Variants in IL1RAPL1 observed in about 807,000 individuals in gnomAD.
IL1RAPL1 encodes interleukin-1 receptor accessory protein-like 1.
A neutral mutation model predicts 48.4 loss-of-function variants in IL1RAPL1; 3 were observed. The observed-to-expected ratio is 0.06, with a 90% confidence interval of 0.03 to 0.16. The LOEUF (loss-of-function observed/expected upper bound fraction) is 0.16. IL1RAPL1 is among the 10% of genes least tolerant of loss of function. The pLI is 1.00. For missense variants in IL1RAPL1, 349 were observed against 530.6 expected, an observed-to-expected ratio of 0.66 and a Z score of 3.36; for synonymous variants, 185 against 187.7, an observed-to-expected ratio of 0.99 and a Z score of 0.12.
chrX:29,197,305 AC>A (rs1362725768), intron 2 of IL1RAPL1, among the ~76,000 whole-genome samples: 4 of 111,862 alleles, frequency 3.6e-5, no homozygotes, highest in Non-Finnish European at 7.5e-5. Context: ...TTAGAAAAAA[AC>A]AATCCATGAT....
chrX:29,450,875 A>G (rs1351750273), intron 5 of IL1RAPL1, among the ~76,000 whole-genome samples: 1 of 111,345 alleles, frequency 9.0e-6, no homozygotes, highest in Non-Finnish European at 1.9e-5. Context: ...ATAAACTTGG[A>G]AAATAATTGC....
chrX:29,296,429 T>G (rs1426236836), intron 3 of IL1RAPL1, among the ~76,000 whole-genome samples: 1 of 111,485 alleles, frequency 9.0e-6, no homozygotes, highest in Non-Finnish European at 1.9e-5. Flanking sequence ...TCACACATAC[T>G]GAGATGACTC....
chrX:28,633,530 T>C (rs1368153651), intron 1 of IL1RAPL1, among the ~76,000 whole-genome samples: 5 of 112,317 alleles, frequency 4.5e-5, no homozygotes. Context: ...CAAGTTATAT[T>C]TGATGATATT....
At chrX:28,728,580 T>C (rs1276058350) in intron 1 of IL1RAPL1, among the ~76,000 whole-genome samples, 1 of 111,761 alleles carries the variant, frequency 8.9e-6, no homozygotes, top group Non-Finnish European at 1.9e-5. Flanking sequence ...TTCTTTATTC[T>C]AAAAAATTAA....
intron 2 of IL1RAPL1, among the ~76,000 whole-genome samples, chrX:29,225,878 A>C (rs940385281): frequency 9.0e-6 from 1 of 111,701 alleles, no homozygotes; most frequent in Non-Finnish European, 1.9e-5. Context: ...AGGAATTTAC[A>C]ATTGCAAATT....
chrX:29,491,302 G>A (rs1935157134), intron 5 of IL1RAPL1, among the ~76,000 whole-genome samples: 1 of 112,235 alleles, frequency 8.9e-6, no homozygotes, highest in Non-Finnish European at 1.9e-5. Context: ...TTGTGATAAA[G>A]CTATCTTGAT....
At chrX:28,651,250 G>T (rs1220904067) in intron 1 of IL1RAPL1, among the ~76,000 whole-genome samples, 4 of 111,888 alleles carry the variant, frequency 3.6e-5, no homozygotes, top group Non-Finnish European at 7.5e-5. Flanking sequence ...TTCAGATAAG[G>T]GATACTCAAC....
chrX:28,840,101 A>G (rs653281), intron 2 of IL1RAPL1, among the ~76,000 whole-genome samples: 1 of 110,471 alleles, frequency 9.1e-6, no homozygotes, highest in Non-Finnish European at 1.9e-5. Flanking sequence ...ACTCATGGGA[A>G]TAGAATTCTA....
chrX:29,550,384 C>T lies in IL1RAPL1; in HGVS notation c.704-118046C>T, dbSNP rs181991073. Among the ~76,000 whole-genome samples the T allele has an allele frequency of 7.2e-5, 8 of 110,563 alleles. No homozygotes were observed. In the East Asian group the frequency reaches 1.4e-3, roughly 20 times the overall value. On this transcript the variant is annotated intron_variant, in intron 5 of 10. Transcript: ENST00000378993. Reference sequence around the variant, plus strand: ...TTCTTTTTTGTATTTTTAGTAGAGACGGGGTTTCACCGTGGTCTTGATCTG... The same window carrying T: ...TTCTTTTTTGTATTTTTAGTAGAGATGGGGTTTCACCGTGGTCTTGATCTG...
rs139554656 is a variant in IL1RAPL1 at position 29,012,281 on chromosome X, G to A, written c.82+222856G>A. 4.1e-3 allele frequency among the ~76,000 whole-genome samples: 456 copies of A among 112,439 alleles called. 4 individuals are homozygous for A. The highest frequency in any genetic ancestry group is 0.013 in the Admixed American group (138 of 10,640). On this transcript the variant is annotated intron_variant, in intron 2 of 10. Coordinates refer to ENST00000378993, the MANE Select transcript of IL1RAPL1 (RefSeq NM_014271.4). The stretch of plus-strand genomic sequence containing the variant: ...GCCCTGGCGGGGTGAGGTGGCTCAC[G>A]CCTGTAATCCCAGCACTTTGGGAGG...
At chrX:28,654,789 G>C (rs7056977) in intron 1 of IL1RAPL1, among the ~76,000 whole-genome samples, 11,962 of 111,785 alleles carry the variant, frequency 0.11, 696 homozygotes, top group African/African-American at 0.23. Flanking sequence ...TGTAATTAAA[G>C]ATGAAGCAAC....
At chrX:29,514,387 G>A (rs954366746) in intron 5 of IL1RAPL1, among the ~76,000 whole-genome samples, 1 of 112,556 alleles carries the variant, frequency 8.9e-6, no homozygotes, top group Admixed American at 9.4e-5. Flanking sequence ...ATGATGTGCT[G>A]AGTTTTCATT....
intron 2 of IL1RAPL1, among the ~76,000 whole-genome samples, chrX:29,184,846 C>T (rs1278275707): frequency 8.9e-6 from 1 of 111,975 alleles, no homozygotes; most frequent in African/African-American, 3.2e-5. Flanking sequence ...TCTTTTTTCC[C>T]CGGATTTCTT....
chrX:29,286,742 A>G (rs1470315823), intron 3 of IL1RAPL1, among the ~76,000 whole-genome samples: 1 of 111,673 alleles, frequency 9.0e-6, no homozygotes, highest in African/African-American at 3.3e-5. Context: ...TTGACCTCCA[A>G]CTTTTTAATT....
At chrX:28,620,472 T>C (rs1483526124) in intron 1 of IL1RAPL1, among the ~76,000 whole-genome samples, 2 of 111,222 alleles carry the variant, frequency 1.8e-5, no homozygotes, top group Admixed American at 1.9e-4. Context: ...CATGTCAGGG[T>C]AATCTCTTTC....
intron 6 of IL1RAPL1, among the ~76,000 whole-genome samples, chrX:29,791,340 A>G (rs1180847543): frequency 1.8e-5 from 2 of 111,380 alleles, no homozygotes; most frequent in Admixed American, 9.5e-5. Flanking sequence ...ATGATAGTAT[A>G]TTAATATGTC....
intron 6 of IL1RAPL1, among the ~76,000 whole-genome samples, chrX:29,847,182 C>T (rs1272532734): frequency 8.9e-6 from 1 of 111,785 alleles, no homozygotes; most frequent in Non-Finnish European, 1.9e-5. Context: ...AATAAGACCA[C>T]GAGCAGAGGA....
intron 2 of IL1RAPL1, among the ~76,000 whole-genome samples, chrX:28,897,596 G>A (rs761452672): frequency 3.6e-5 from 4 of 112,103 alleles, no homozygotes; most frequent in Non-Finnish European, 7.5e-5. Flanking sequence ...TTGGGCTGGT[G>A]GGTCTGAGGA....
intron 3 of IL1RAPL1, among the ~76,000 whole-genome samples, chrX:29,304,097 G>A (rs1200306932): frequency 9.0e-6 from 1 of 111,440 alleles, no homozygotes; most frequent in East Asian, 2.8e-4. Flanking sequence ...GCTGGAACTT[G>A]GTAGTGAGTT....
Sources: gnomAD v4.1 joint callset for allele counts (sites outside exome capture counted in the v4.1 genomes callset) on GRCh38, gnomAD v4.1.1 for gene constraint, MANE v1.5 for transcripts, NCBI Gene and HGNC (gene_info 2026-07-23, HGNC 2026-07-21) for gene names.